Variants in NRXN3 observed in about 807,000 individuals in gnomAD.
NRXN3 encodes the protein neurexin III.
NRXN3 carries 32 observed loss-of-function variants against 137.6 expected under a neutral mutation model. The ratio of observed to expected loss-of-function variants is 0.23; its 90% CI spans 0.18 to 0.31. The LOEUF is 0.31. NRXN3 is among the 10% of genes least tolerant of loss of function. The probability of loss-of-function intolerance (pLI) is 1.00; values close to 1 mark genes in which losing one functional copy is unlikely to be tolerated. For synonymous variants in NRXN3, 798 were observed against 784.5 expected, an observed-to-expected ratio of 1.02 and a Z score of -0.29; for missense variants, 1,574 against 2,062.5, an observed-to-expected ratio of 0.76 and a Z score of 4.59.
chr14:79,237,198 G>C (rs142176504), intron 15 of NRXN3, among the ~76,000 whole-genome samples: 1 of 152,038 alleles, frequency 6.6e-6, no homozygotes, highest in African/African-American at 2.4e-5. Context: ...GAAGGGAAAA[G>C]AGAATAGCAA....
At chr14:79,675,526 A>G (rs184086112) in intron 17 of NRXN3, among the ~76,000 whole-genome samples, 13 of 152,230 alleles carry the variant, frequency 8.5e-5, no homozygotes, top group African/African-American at 3.1e-4. Context: ...CTAATCCATC[A>G]GCTTTATTTT....
chr14:78,744,483 GA>G (rs1390239127), intron 8 of NRXN3: 2 of 152,168 alleles, frequency 1.3e-5, no homozygotes, highest in Non-Finnish European at 1.5e-5. Context: ...GAGAAAAAGA[GA>G]ATTTCAGTTG....
intron 15 of NRXN3, among the ~76,000 whole-genome samples, chr14:79,377,038 A>T (rs956979816): frequency 4.6e-5 from 7 of 152,222 alleles, no homozygotes; most frequent in East Asian, 1.9e-4. Context: ...TGGCTGACTG[A>T]TGTGTTTATT....
At chr14:78,370,920 T>C (rs1477102796) in intron 4 of NRXN3, among the ~76,000 whole-genome samples, 1 of 152,226 alleles carries the variant, frequency 6.6e-6, no homozygotes, top group Non-Finnish European at 1.5e-5. Context: ...TTCATCAAAC[T>C]ACAGAGTACC....
intron 4 of NRXN3, among the ~76,000 whole-genome samples, chr14:78,362,544 G>T (rs2085287862): frequency 6.6e-6 from 1 of 152,082 alleles, no homozygotes; most frequent in Non-Finnish European, 1.5e-5. Context: ...GTTCTTAACA[G>T]GGATGTTTTT....
In NRXN3 at chr14:79,237,273, A is replaced by G. The variant is rs1431749348; in HGVS notation, c.3263-229948A>G. Among the ~76,000 whole-genome samples, 4 of 152,148 alleles carry G rather than the reference A, an allele frequency of 2.6e-5. No homozygotes were observed. The South Asian group carries it at 6.2e-4, about 24-fold the overall frequency. ...AAGGATCAGAGCTTGCCCAGTTTCT[A>G]TTTAAAGTATTGTAAGGACCTAATA... On this transcript the variant is annotated intron_variant, in intron 15 of 20. Coordinates refer to ENST00000335750, the MANE Select transcript of NRXN3 (RefSeq NM_001330195.2).
intron 10 of NRXN3, among the ~76,000 whole-genome samples, chr14:78,814,929 G>A (rs1016734563): frequency 6.6e-6 from 1 of 152,070 alleles, no homozygotes; most frequent in African/African-American, 2.4e-5. Context: ...TTAAATATAT[G>A]GATAGCTTGA....
At chr14:79,647,126 T>C (rs1174597176) in intron 16 of NRXN3, among the ~76,000 whole-genome samples, 1 of 136,236 alleles carries the variant, frequency 7.3e-6, no homozygotes, top group African/African-American at 2.4e-5. Flanking sequence ...AAGAGGGCTA[T>C]GATTTATTGG....
chr14:78,917,247 T>G (rs1357619878), intron 10 of NRXN3, among the ~76,000 whole-genome samples: 1 of 152,046 alleles, frequency 6.6e-6, no homozygotes, highest in Non-Finnish European at 1.5e-5. Flanking sequence ...AGTATGAAGG[T>G]CATGATATAA....
chr14:78,984,986 A>G (rs755876902), intron 14 of NRXN3, among the ~76,000 whole-genome samples: 3 of 152,186 alleles, frequency 2.0e-5, no homozygotes, highest in Admixed American at 6.5e-5. Flanking sequence ...GGATGCTTAC[A>G]ATGTAGTCAG....
intron 4 of NRXN3, among the ~76,000 whole-genome samples, chr14:78,307,413 A>G (rs1447198349): frequency 1.3e-5 from 2 of 152,122 alleles, no homozygotes; most frequent in East Asian, 3.8e-4. Context: ...TCCATGTAAT[A>G]ATCAGTAGGC....
intron 5 of NRXN3, among the ~76,000 whole-genome samples, chr14:78,647,495 A>C (rs1473253087): frequency 6.6e-6 from 1 of 152,246 alleles, no homozygotes; most frequent in African/African-American, 2.4e-5. Context: ...TGTGACGTGC[A>C]CATGATCTAC....
At chr14:78,262,092 AAAG>A (rs2070835331) in intron 2 of NRXN3, among the ~76,000 whole-genome samples, 1 of 152,232 alleles carries the variant, frequency 6.6e-6, no homozygotes, top group Non-Finnish European at 1.5e-5. Context: ...GGTGACATCC[AAAG>A]ATGAGAAGGA....
intron 10 of NRXN3, among the ~76,000 whole-genome samples, chr14:78,866,063 C>T (rs12323927): frequency 0.019 from 2,889 of 152,206 alleles, 92 homozygotes; most frequent in African/African-American, 0.066. Flanking sequence ...CTAATCAGGT[C>T]TGATTTTCAA....
At chr14:79,488,204 G>A (rs2153651815) in intron 16 of NRXN3, among the ~76,000 whole-genome samples, 1 of 152,316 alleles carries the variant, frequency 6.6e-6, no homozygotes, top group African/African-American at 2.4e-5. Flanking sequence ...TTGGCAATTG[G>A]TTTGAATAGA....
chr14:78,932,255 G>A (rs154336), intron 10 of NRXN3, among the ~76,000 whole-genome samples: 1 of 151,872 alleles, frequency 6.6e-6, no homozygotes, highest in Non-Finnish European at 1.5e-5. Context: ...GTGGCACTGG[G>A]TGGTGGAAAG....
chr14:79,076,780 T>G (rs1488361691), intron 15 of NRXN3, among the ~76,000 whole-genome samples: 1 of 152,096 alleles, frequency 6.6e-6, no homozygotes, highest in African/African-American at 2.4e-5. Context: ...TACACAGGTG[T>G]AAAAAGCATG....
chr14:78,211,691 G>A (rs757821070), intron 1 of NRXN3, among the ~76,000 whole-genome samples: 1 of 152,198 alleles, frequency 6.6e-6, no homozygotes, highest in East Asian at 1.9e-4. Flanking sequence ...CTATTCTAAC[G>A]TCTGCCTCTT....
intron 4 of NRXN3, among the ~76,000 whole-genome samples, chr14:78,619,682 G>A (rs776656797): frequency 2.6e-5 from 4 of 151,852 alleles, no homozygotes; most frequent in Non-Finnish European, 4.4e-5. Flanking sequence ...CCTTCCTGGC[G>A]CCTTGCAAAG....
Sources: allele counts gnomAD v4.1 joint callset (sites outside exome capture counted in the v4.1 genomes callset), GRCh38; gene constraint gnomAD v4.1.1; transcripts MANE v1.5; gene names NCBI Gene and HGNC (gene_info 2026-07-23, HGNC 2026-07-21).